The following DIP2C variants were observed in gnomAD, a reference collection of about 807,000 sequenced individuals.
DIP2C encodes the protein disco-interacting protein 2 homolog C.
In DIP2C, 33 loss-of-function variants were observed where a neutral mutation model predicts 192.4. That is an observed-to-expected ratio of 0.17 (90% CI 0.13 to 0.23). The LOEUF (loss-of-function observed/expected upper bound fraction) is 0.23. DIP2C is among the 10% of genes least tolerant of loss of function. The pLI, the probability that DIP2C is intolerant of heterozygous loss-of-function variation, is 1.00. For synonymous variants in DIP2C, 979 were observed against 864.1 expected (o/e 1.13, Z -2.33); for missense variants, 1,537 against 2,110.1 (o/e 0.73, Z 5.32).
Position 349,240 on chromosome 10 carries a change from C to T in DIP2C, c.3109+91G>A, listed in dbSNP as rs112114247. The T allele has an allele frequency of 1.4e-3, 2,081 of 1,520,284 alleles. 24 individuals are homozygous for T. The African/African-American group carries it at 0.026, about 19-fold the overall frequency. The allele number at this position is 1,520,284 out of a possible 1,614,324, so 94.2% of individuals were successfully genotyped here. ...AGACTCCCAGCCATGACGCGACCCT[C>T]GGCTCAGGCACCAGCGGGTGTAAGG... On this transcript the variant is annotated intron_variant, in intron 25 of 36. Coordinates refer to ENST00000280886, the MANE Select transcript of DIP2C (RefSeq NM_014974.3).
chr10:553,647 A>G (rs1385836747), intron 1 of DIP2C, among the ~76,000 whole-genome samples: 1 of 152,272 alleles, frequency 6.6e-6, no homozygotes. Flanking sequence ...CAAGAAACAT[A>G]CATCATAGAA....
intron 1 of DIP2C, among the ~76,000 whole-genome samples, chr10:606,918 T>G (rs1852530126): frequency 6.6e-6 from 1 of 152,004 alleles, no homozygotes. Flanking sequence ...GGGGTCTGAA[T>G]AGGGGCCTTC....
intron 3 of DIP2C, among the ~76,000 whole-genome samples, chr10:449,725 T>C (rs1034457710): frequency 6.8e-6 from 1 of 147,370 alleles, no homozygotes; most frequent in Non-Finnish European, 1.5e-5. Flanking sequence ...GGCACATGTA[T>C]ACATATGTAA....
chr10:320,868 G>A (rs1264010765), intron 31 of DIP2C, among the ~76,000 whole-genome samples: 2 of 152,212 alleles, frequency 1.3e-5, no homozygotes, highest in East Asian at 3.8e-4. Flanking sequence ...AAGTGTGAAG[G>A]AGGAGGAACA....
intron 29 of DIP2C, among the ~76,000 whole-genome samples, chr10:340,117 G>A (rs1589534457): frequency 6.6e-6 from 1 of 151,810 alleles, no homozygotes; most frequent in African/African-American, 2.4e-5. Flanking sequence ...GGAGGCAGAG[G>A]TTGCAGTGAG....
intron 29 of DIP2C, among the ~76,000 whole-genome samples, chr10:339,417 G>T (rs936893272): frequency 6.6e-6 from 1 of 152,096 alleles, no homozygotes; most frequent in Admixed American, 6.5e-5. Context: ...AAATTTCATC[G>T]CAACCTGGAC....
At chr10:515,347 G>C (rs1187108389) in intron 1 of DIP2C, among the ~76,000 whole-genome samples, 2 of 152,188 alleles carry the variant, frequency 1.3e-5, no homozygotes, top group East Asian at 3.8e-4. Flanking sequence ...CCTAGCTGAA[G>C]TACATCCCTC....
At chr10:531,908 A>C (rs898499312) in intron 1 of DIP2C, among the ~76,000 whole-genome samples, 7 of 152,240 alleles carry the variant, frequency 4.6e-5, no homozygotes, top group Admixed American at 3.9e-4. Context: ...ATTCTGTGGC[A>C]AAATTTTTAA....
At chr10:544,976 T>TA (rs914764566) in intron 1 of DIP2C, among the ~76,000 whole-genome samples, 1 of 152,114 alleles carries the variant, frequency 6.6e-6, no homozygotes, top group African/African-American at 2.4e-5. Context: ...AACCATTGCT[T>TA]AATTCAACGT....
chr10:396,567 A>G (rs1964000028), intron 10 of DIP2C, among the ~76,000 whole-genome samples: 1 of 152,180 alleles, frequency 6.6e-6, no homozygotes, highest in Non-Finnish European at 1.5e-5. Context: ...TGTCGCTTAG[A>G]GACCTCAGAG....
At chr10:406,596 C>T (rs1964822556) in intron 9 of DIP2C, among the ~76,000 whole-genome samples, 1 of 152,180 alleles carries the variant, frequency 6.6e-6, no homozygotes, top group Admixed American at 6.5e-5. Flanking sequence ...AACAAACTAA[C>T]CTTGGGAAGG....
intron 6 of DIP2C, among the ~76,000 whole-genome samples, chr10:418,799 A>T (rs1965976608): frequency 6.6e-6 from 1 of 152,208 alleles, no homozygotes; most frequent in African/African-American, 2.4e-5. Flanking sequence ...AACGGCAGCA[A>T]ATTCTAAAAT....
chr10:405,128 C>T (rs999157762), intron 9 of DIP2C, among the ~76,000 whole-genome samples: 5 of 152,322 alleles, frequency 3.3e-5, no homozygotes, highest in Non-Finnish European at 7.3e-5. Flanking sequence ...CCCAGAATAC[C>T]AGCTCTGGAG....
At chr10:305,994 T>TATATATATATATATATATACATA (rs201950305) in intron 32 of DIP2C, among the ~76,000 whole-genome samples, 6 of 148,676 alleles carry the variant, frequency 4.0e-5, no homozygotes, top group African/African-American at 5.1e-5. Flanking sequence ...TATATATATA[T>TATATATATATATATATATACATA]TATATTTTTT....
intron 1 of DIP2C, among the ~76,000 whole-genome samples, chr10:534,823 C>G (rs891650256): frequency 6.6e-6 from 1 of 151,788 alleles, no homozygotes; most frequent in Non-Finnish European, 1.5e-5. Context: ...ACTACAGGCG[C>G]CTGCCACCGC....
chr10:341,480 C>T (rs1958144968), intron 28 of DIP2C, 151 bp from the exon 29 acceptor site: 1 of 1,251,312 alleles, frequency 8.0e-7, no homozygotes. Flanking sequence ...GCACTGAACG[C>T]AAGGCTGTTT....
intron 1 of DIP2C, chr10:631,097 C>T (rs1035483112): frequency 1.3e-5 from 2 of 152,260 alleles, no homozygotes; most frequent in African/African-American, 4.8e-5. Flanking sequence ...GATATCAATG[C>T]TAACATTTGT....
intron 24 of DIP2C, among the ~76,000 whole-genome samples, chr10:352,811 C>T (rs538301592): frequency 6.6e-6 from 1 of 152,258 alleles, no homozygotes; most frequent in Admixed American, 6.5e-5. Flanking sequence ...TTGAACGGGA[C>T]ACAGCTACAC....
chr10:453,947 G>A (rs1433199981), intron 3 of DIP2C, among the ~76,000 whole-genome samples: 1 of 152,220 alleles, frequency 6.6e-6, no homozygotes, highest in Non-Finnish European at 1.5e-5. Flanking sequence ...GCACAGCCCT[G>A]AGACTAAGAA....
Sources: gnomAD v4.1 joint callset for allele counts (sites outside exome capture counted in the v4.1 genomes callset) on GRCh38, gnomAD v4.1.1 for gene constraint, MANE v1.5 for transcripts, NCBI Gene and HGNC (gene_info 2026-07-23, HGNC 2026-07-21) for gene names.